Variants in ME3 observed in about 807,000 individuals in gnomAD.
ME3 encodes the protein malic enzyme 3.
Under a neutral mutation model 68.9 loss-of-function variants are expected in ME3, and 48 were observed. The observed-to-expected ratio is 0.70, with a 90% CI of 0.55 to 0.89. The LOEUF is 0.89. ME3 is among the 40% of genes least tolerant of loss of function. The probability of loss-of-function intolerance (pLI) is 0.00; values close to 1 mark genes in which losing one functional copy is unlikely to be tolerated. For synonymous variants in ME3, 320 were observed against 318.8 expected (o/e 1.00, Z -0.04); for missense variants, 675 against 797.4 (o/e 0.85, Z 1.85).
At chr11:86,492,504 G>T (rs568093607) in intron 6 of ME3, among the ~76,000 whole-genome samples, 1 of 152,210 alleles carries the variant, frequency 6.6e-6, no homozygotes, top group Non-Finnish European at 1.5e-5. Context: ...TGGGGACCAG[G>T]CTTATTCACT....
chr11:86,587,997 G>A (rs1217208179), intron 2 of ME3, among the ~76,000 whole-genome samples: 2 of 152,218 alleles, frequency 1.3e-5, no homozygotes, highest in Non-Finnish European at 2.9e-5. Context: ...TTTCTCATCT[G>A]TAAAATGGGC....
chr11:86,471,488 A>G (rs115516299), intron 7 of ME3, among the ~76,000 whole-genome samples: 1,866 of 152,224 alleles, frequency 0.012, 47 homozygotes, highest in African/African-American at 0.043. Context: ...CCCTTAAAAT[A>G]GTGCTAATTC....
chr11:86,625,643 G>C (rs1050987579), intron 2 of ME3, among the ~76,000 whole-genome samples: 1 of 152,170 alleles, frequency 6.6e-6, no homozygotes, highest in African/African-American at 2.4e-5. Context: ...CTTGTGCCAG[G>C]CACAGGGGAT....
chr11:86,529,228 C>A (rs1269388254), intron 4 of ME3, among the ~76,000 whole-genome samples: 1 of 152,178 alleles, frequency 6.6e-6, no homozygotes, highest in South Asian at 2.1e-4. Flanking sequence ...ACTACAAACA[C>A]CTCTACGCAA....
chr11:86,580,099 G>T (rs1958351292), intron 2 of ME3, among the ~76,000 whole-genome samples: 1 of 152,146 alleles, frequency 6.6e-6, no homozygotes, highest in African/African-American at 2.4e-5. Context: ...AACATGATTA[G>T]CTCGAGAATC....
At chr11:86,544,321 A>T (rs12804407) in intron 4 of ME3, among the ~76,000 whole-genome samples, 7 of 152,106 alleles carry the variant, frequency 4.6e-5, no homozygotes, top group Non-Finnish European at 8.8e-5. Flanking sequence ...GAACTGAAGG[A>T]GATAGAGACA....
rs966863629 is a variant in ME3 at position 86,441,330 on chromosome 11, TGTAA to T, written c.1760_1763del (p.Phe587TyrfsTer12). On this transcript the variant is annotated frameshift_variant, in exon 15 of 15. Coordinates refer to ENST00000543262, the Ensembl canonical transcript of ME3. LOFTEE classifies it high-confidence loss of function. ...CCTTGGGCCAAGTGTAGCTGTCCAG[TGTAA>T]AGGAGTCATAGTCTGGAGTGTAGAC... 6.2e-7 allele frequency: 1 copy of T among 1,612,978 alleles called. No homozygotes were observed. The highest frequency in any genetic ancestry group is 8.5e-7 in the Non-Finnish European group (1 of 1,179,450).
chr11:86,660,864 T>G (rs1432698175), intron 2 of ME3, among the ~76,000 whole-genome samples: 1 of 150,006 alleles, frequency 6.7e-6, no homozygotes, highest in Non-Finnish European at 1.5e-5. Flanking sequence ...TTCCAAAATT[T>G]GTATGATGAA....
chr11:86,460,407 G>T (rs1263041777), intron 8 of ME3, among the ~76,000 whole-genome samples: 1 of 152,210 alleles, frequency 6.6e-6, no homozygotes, highest in East Asian at 1.9e-4. Context: ...CAAATAATGT[G>T]CCCTAGGCTC....
intron 4 of ME3, among the ~76,000 whole-genome samples, chr11:86,516,182 C>T (rs1290537806): frequency 2.0e-5 from 3 of 152,126 alleles, no homozygotes; most frequent in African/African-American, 4.8e-5. Context: ...GATTACTTCT[C>T]CCAAGTTTTT....
intron 6 of ME3, among the ~76,000 whole-genome samples, chr11:86,494,957 A>C (rs1952228505): frequency 6.6e-6 from 1 of 152,252 alleles, no homozygotes; most frequent in Admixed American, 6.5e-5. Context: ...AAAATTTTGG[A>C]AAGAAACACA....
At position 86,475,874 on chromosome 11, in the gene ME3, T is replaced by TATATATATAGAGAGAGAGAG; in HGVS notation, c.810-10675_810-10674insCTCTCTCTCTCTATATATAT. Among the ~76,000 whole-genome samples, 36 of 91,460 alleles carry TATATATATAGAGAGAGAGAG rather than the reference T, an allele frequency of 3.9e-4. 1 individual carries two copies. The highest frequency in any genetic ancestry group is 8.3e-4 in the South Asian group (2 of 2,412). The allele number at this position is 91,460 out of a possible 152,430, so 60.0% of individuals were successfully genotyped here. A position where few individuals can be genotyped will look rare whatever the true frequency, so the allele number is the denominator to read the frequency against. ...CAGTATATATATATATATATATATA[T>TATATATATAGAGAGAGAGAG]AGAGAGAGAGAGAGAGAGAGAGAGA... On this transcript the variant is annotated intron_variant, in intron 7 of 14. Coordinates refer to ENST00000543262, the Ensembl canonical transcript of ME3.
chr11:86,619,903 T>C (rs183807561), intron 2 of ME3, among the ~76,000 whole-genome samples: 324 of 152,354 alleles, frequency 2.1e-3, no homozygotes, highest in Non-Finnish European at 3.9e-3. Context: ...AGCTGATTAA[T>C]GTTCTTCCAA....
At position 86,663,785 on chromosome 11, in the gene ME3, C is replaced by G. The variant is rs115444136; in HGVS notation, c.183+7977G>C. Reference sequence around the variant, plus strand: ...AAACCTCAGGGTCCACAAAGGCCAACATAAATTGGAAACAGGGAGACTAGA... The same window carrying G: ...AAACCTCAGGGTCCACAAAGGCCAAGATAAATTGGAAACAGGGAGACTAGA... On this transcript the variant is annotated intron_variant, in intron 2 of 14. Transcript: ENST00000543262. 8.8e-3 allele frequency among the ~76,000 whole-genome samples: 1,340 copies of G among 152,250 alleles called. 27 individuals are homozygous for G. The highest frequency in any genetic ancestry group is 0.03 in the African/African-American group (1,253 of 41,528).
chr11:86,455,217 T>A (rs1949847213), intron 8 of ME3, among the ~76,000 whole-genome samples: 1 of 133,382 alleles, frequency 7.5e-6, no homozygotes, highest in African/African-American at 2.8e-5. Flanking sequence ...GGCACCATGC[T>A]AGGCACTGTC....
chr11:86,479,239 A>G (rs1951254972), intron 7 of ME3, among the ~76,000 whole-genome samples: 1 of 152,164 alleles, frequency 6.6e-6, no homozygotes, highest in Non-Finnish European at 1.5e-5. Context: ...TTCTGACTCC[A>G]GGATGTGCAC....
chr11:86,454,980 GCACATT>G (rs1330564089), intron 8 of ME3, among the ~76,000 whole-genome samples: 1 of 152,228 alleles, frequency 6.6e-6, no homozygotes, highest in Non-Finnish European at 1.5e-5. Flanking sequence ...GCCAATAAGT[GCACATT>G]CATCATTGTG....
chr11:86,513,561 C>T (rs1594244346), intron 4 of ME3, among the ~76,000 whole-genome samples: 1 of 152,150 alleles, frequency 6.6e-6, no homozygotes, highest in Non-Finnish European at 1.5e-5. Flanking sequence ...TCCACTAATG[C>T]AGAATATTGG....
At chr11:86,480,526 C>T (rs552053155) in intron 7 of ME3, among the ~76,000 whole-genome samples, 11 of 152,230 alleles carry the variant, frequency 7.2e-5, no homozygotes, top group Non-Finnish European at 1.6e-4. Context: ...TCTCCCTCTT[C>T]CAAGCTCACT....
Sources: allele counts gnomAD v4.1 joint callset (sites outside exome capture counted in the v4.1 genomes callset), GRCh38; gene constraint gnomAD v4.1.1; transcripts MANE v1.5; gene names NCBI Gene and HGNC (gene_info 2026-07-23, HGNC 2026-07-21).